XKR7: variants seen among roughly 807,000 people sequenced by gnomAD.
XKR7 encodes the protein XK-related protein 7.
In XKR7, 11 loss-of-function variants were observed where a neutral mutation model predicts 42.2. The ratio of observed to expected loss-of-function variants is 0.26; its 90% CI spans 0.16 to 0.43. The LOEUF is 0.43. XKR7 is among the 20% of genes least tolerant of loss of function. The probability of loss-of-function intolerance (pLI) is 1.00; values close to 1 mark genes in which losing one functional copy is unlikely to be tolerated. For missense variants in XKR7, 710 were observed against 802.2 expected (o/e 0.89, Z 1.39); for synonymous variants, 346 against 366.4 (o/e 0.94, Z 0.64).
chr20:31,983,869 A>T (rs1395085346), intron 1 of XKR7, among the ~76,000 whole-genome samples: 1 of 151,546 alleles, frequency 6.6e-6, no homozygotes, highest in African/African-American at 2.4e-5. Flanking sequence ...AATTGCTTGA[A>T]CCCAGGAGGC....
chr20:31,986,957 C>A (rs1397839295), intron 1 of XKR7, among the ~76,000 whole-genome samples: 1 of 149,262 alleles, frequency 6.7e-6, no homozygotes, highest in African/African-American at 2.5e-5. Context: ...GACCCAGCAT[C>A]CAAGGCACAG....
chr20:32,001,799 C>G lies in XKR7; in HGVS notation c.*4342C>G, dbSNP rs6142590. 3 of 152,432 alleles carry G rather than the reference C, an allele frequency of 2.0e-5. No homozygotes were observed. The South Asian group carries it at 6.2e-4, about 32-fold the overall frequency. The allele number at this position is 152,432 out of a possible 1,614,324, so 9.4% of individuals were successfully genotyped here. ...CCCATTCTGTGCTGGCCCCTGCCACCTTTGGCACCTGTCTCCCTCCCAGTT... is the reference window on the plus strand; with the variant it reads ...CCCATTCTGTGCTGGCCCCTGCCACGTTTGGCACCTGTCTCCCTCCCAGTT... On this transcript the variant is annotated 3_prime_UTR_variant, in exon 3 of 3. Transcript: ENST00000562532.
rs908757141 is a variant in XKR7 at position 32,001,717 on chromosome 20, T to C, written c.*4260T>C. On this transcript the variant is annotated 3_prime_UTR_variant, in exon 3 of 3. Transcript: ENST00000562532. ...GGCCCCTGGTTAGGAGGAATCTACA[T>C]TGGGTTGCAGGGGAGTCCAGGTGCA... 3 of 152,238 alleles carry C rather than the reference T, an allele frequency of 2.0e-5. No homozygotes were observed. The highest frequency in any genetic ancestry group is 7.2e-5 in the African/African-American group (3 of 41,408). 9.4% of individuals were successfully genotyped at this position (152,238 alleles called of 1,614,324 possible).
In XKR7 at chr20:31,968,878, C is replaced by G; in HGVS notation, c.584+119C>G. On this transcript the variant is annotated intron_variant, in intron 1 of 2. Transcript: ENST00000562532. This position sits in a 1 kb window ranked among gnomAD's most constrained non-coding sequence, Gnocchi z 4.5. ...TACCCTCCTGTCCTGACCTCCCCCC[C>G]TCCCCACCCCATTGCAGCTCTAATT... 1.4e-6 allele frequency: 2 copies of G among 1,380,906 alleles called. No homozygotes were observed. Among genetic ancestry groups the G allele is most frequent in the East Asian group, 2.6e-5 (1 of 38,282 alleles). 85.5% of individuals were successfully genotyped at this position (1,380,906 alleles called of 1,614,324 possible). A position where few individuals can be genotyped will look rare whatever the true frequency, so the allele number is the denominator to read the frequency against.
Position 31,998,082 on chromosome 20 carries a change from G to C in XKR7, c.*625G>C, listed in dbSNP as rs1470525820. 5.7e-5 allele frequency: 5 copies of C among 87,326 alleles called. No homozygotes were observed. The highest frequency in any genetic ancestry group is 2.3e-4 in the African/African-American group (5 of 21,402). 5.4% of individuals were successfully genotyped at this position (87,326 alleles called of 1,614,324 possible). A position where few individuals can be genotyped will look rare whatever the true frequency, so the allele number is the denominator to read the frequency against. ...CTGGAGATGGATAGGAGAAAGAACTGGGGGGGGGGTCTAGGCTGGCAGAAG... is the reference window on the plus strand; with the variant it reads ...CTGGAGATGGATAGGAGAAAGAACTCGGGGGGGGGTCTAGGCTGGCAGAAG... On this transcript the variant is annotated 3_prime_UTR_variant, in exon 3 of 3. Coordinates refer to ENST00000562532, the MANE Select transcript of XKR7 (RefSeq NM_001011718.2).
intron 1 of XKR7, among the ~76,000 whole-genome samples, chr20:31,984,118 A>G (rs1470816739): frequency 2.0e-5 from 3 of 151,808 alleles, no homozygotes; most frequent in Admixed American, 2.0e-4. Flanking sequence ...AAAATTAGCC[A>G]GGCGTGGTGG....
chr20:31,989,530 G>GC (rs59000476), intron 1 of XKR7, among the ~76,000 whole-genome samples: 101,391 of 152,056 alleles, frequency 0.67, 36,095 homozygotes, highest in African/African-American at 0.9. Context: ...GATGCGGGCA[G>GC]CCACACAGAA....
intron 1 of XKR7, among the ~76,000 whole-genome samples, chr20:31,975,098 G>A (rs1054340191): frequency 6.6e-6 from 1 of 152,074 alleles, no homozygotes; most frequent in African/African-American, 2.4e-5. Flanking sequence ...CCAGCATCTG[G>A]GGCGCAGGTC....
chr20:31,988,134 G>C (rs993266877), intron 1 of XKR7, among the ~76,000 whole-genome samples: 1 of 152,242 alleles, frequency 6.6e-6, no homozygotes, highest in African/African-American at 2.4e-5. Flanking sequence ...GTGCAGGCCA[G>C]AAACTCTGAC....
In XKR7 at chr20:31,999,038, C is replaced by CA. The variant is rs1269264734; in HGVS notation, c.*1581_*1582insA. On this transcript the variant is annotated 3_prime_UTR_variant, in exon 3 of 3. Coordinates refer to ENST00000562532, the MANE Select transcript of XKR7 (RefSeq NM_001011718.2). ...GCTGGGAACCCAACCCACCCCCCAC[C>CA]CCCCCACACACACACTCCCACAGCA... The CA allele has an allele frequency of 2.1e-5, 3 of 142,884 alleles. No homozygotes were observed. Among genetic ancestry groups the CA allele is most frequent in the Admixed American group, 1.4e-4 (2 of 14,446 alleles). 8.9% of individuals were successfully genotyped at this position (142,884 alleles called of 1,614,324 possible).
chr20:31,987,701 C>T (rs1218239947), intron 1 of XKR7, among the ~76,000 whole-genome samples: 1 of 152,236 alleles, frequency 6.6e-6, no homozygotes, highest in East Asian at 1.9e-4. Context: ...CAAGTGGACC[C>T]AGTATCAAGA....
chr20:31,997,167 C>A lies in XKR7; in HGVS notation c.1450C>A (p.Arg484=). The change falls in exon 3 of 3, where the codon CGG becomes AGG. Residue 484 remains arginine, a synonymous_variant. Coordinates refer to ENST00000562532, the MANE Select transcript of XKR7 (RefSeq NM_001011718.2). The part of the protein sequence containing the change: ...RSLPRTTGAE[R]DGASAGERAG... ...CCTGCCAAGGACTACAGGTGCTGAG[C>A]GGGATGGGGCCTCGGCGGGAGAGCG... The A allele has an allele frequency of 6.2e-7, 1 of 1,610,850 alleles. No homozygotes were observed. Among genetic ancestry groups the A allele is most frequent in the Non-Finnish European group, 8.5e-7 (1 of 1,179,988 alleles).
rs2064631611 is a variant in XKR7 at position 32,002,860 on chromosome 20, C to G, written c.*5403C>G. 6.6e-6 allele frequency: 1 copy of G among 152,178 alleles called. No homozygotes were observed. The highest frequency in any genetic ancestry group is 1.5e-5 in the Non-Finnish European group (1 of 68,034). 9.4% of individuals were successfully genotyped at this position (152,178 alleles called of 1,614,324 possible). ...TTCACAGGCCCTCAGGGTCTGGGACCCCACGTTGGGAATCAATGGTTTAGA... is the reference window on the plus strand; with the variant it reads ...TTCACAGGCCCTCAGGGTCTGGGACGCCACGTTGGGAATCAATGGTTTAGA... On this transcript the variant is annotated 3_prime_UTR_variant, in exon 3 of 3. Transcript: ENST00000562532.
chr20:31,984,617 C>T lies in XKR7; in HGVS notation c.585-10451C>T, dbSNP rs116480831. On this transcript the variant is annotated intron_variant, in intron 1 of 2. Coordinates refer to ENST00000562532, the MANE Select transcript of XKR7 (RefSeq NM_001011718.2). ...GCTTTCCTGGAATCACCTTGGTCTC[C>T]TGACTCTTCACTTACTATTGTTGCC... 7.3e-3 allele frequency among the ~76,000 whole-genome samples: 1,117 copies of T among 152,332 alleles called. 16 individuals carry two copies. Among genetic ancestry groups the T allele is most frequent in the African/African-American group, 0.026 (1,070 of 41,566 alleles).
chr20:31,981,597 C>G (rs1305387368), intron 1 of XKR7, among the ~76,000 whole-genome samples: 1 of 152,120 alleles, frequency 6.6e-6, no homozygotes, highest in African/African-American at 2.4e-5. Flanking sequence ...GAGGCTGAGG[C>G]AGGAGAATCG....
chr20:31,995,109 G>A lies in XKR7; in HGVS notation c.626G>A (p.Arg209His). Residue 209 changes from arginine to histidine, a missense_variant, in exon 2 of 3, where the codon CGC becomes CAC. Around this residue, in one of 2 missense-constraint regions of XKR7, gnomAD observed 708 missense variants for 786.2 expected, o/e 0.90. Coordinates refer to ENST00000562532, the MANE Select transcript of XKR7 (RefSeq NM_001011718.2). This position sits in a 1 kb window ranked among gnomAD's most constrained non-coding sequence, Gnocchi z 4.1. ...TACCTGGGGCTGCAGAGCCGCTGGC[G>A]CGGGGAGCGGCTGCGGCGCCACTTC... ...ALYLGLQSRW[R>H]GERLRRHFYW... 1.3e-6 allele frequency: 2 copies of A among 1,557,248 alleles called. No homozygotes were observed. Among genetic ancestry groups the A allele is most frequent in the Non-Finnish European group, 1.7e-6 (2 of 1,151,634 alleles).
intron 1 of XKR7, among the ~76,000 whole-genome samples, chr20:31,991,713 C>A (rs1051937837): frequency 2.0e-5 from 3 of 152,242 alleles, no homozygotes; most frequent in African/African-American, 4.8e-5. Context: ...TCTGGCCATT[C>A]CCCTAAAATG....
In XKR7 at chr20:31,976,448, G is replaced by A. The variant is rs184463233; in HGVS notation, c.584+7689G>A. 5.4e-3 allele frequency among the ~76,000 whole-genome samples: 821 copies of A among 151,812 alleles called. 5 individuals are homozygous for A. The highest frequency in any genetic ancestry group is 0.051 in the Middle Eastern group (15 of 294). On this transcript the variant is annotated intron_variant, in intron 1 of 2. Coordinates refer to ENST00000562532, the MANE Select transcript of XKR7 (RefSeq NM_001011718.2). ...CTCCCAGGCTGGAGTGCAGTGGCTC[G>A]ATCTCGGCTCACTGCAACCTCTGCC...
At chr20:31,996,133 T>C (rs1359770497) in intron 2 of XKR7, among the ~76,000 whole-genome samples, 1 of 151,526 alleles carries the variant, frequency 6.6e-6, no homozygotes, top group Non-Finnish European at 1.5e-5. Context: ...CACACCCTAA[T>C]CATGACCTCC....
Sources: gnomAD v4.1 joint callset for allele counts (sites outside exome capture counted in the v4.1 genomes callset) on GRCh38, gnomAD v4.1.1 for gene constraint, gnomAD v4.1.1 regional missense constraint, Gnocchi (gnomAD v3.1) non-coding constraint, MANE v1.5 for transcripts, NCBI Gene and HGNC (gene_info 2026-07-23, HGNC 2026-07-21) for gene names.